SLC35A5: variants seen among roughly 807,000 people sequenced by gnomAD.
SLC35A5 encodes solute carrier family 35 member A5.
SLC35A5 carries 28 observed loss-of-function variants against 36.3 expected under a neutral mutation model. That is an observed-to-expected ratio of 0.77 (90% CI 0.57 to 1.06). SLC35A5 has a LOEUF of 1.06. Among genes scored for constraint, SLC35A5 ranks in the 50% least tolerant of loss-of-function variants. The probability of loss-of-function intolerance (pLI) is 0.00; values close to 1 mark genes in which losing one functional copy is unlikely to be tolerated. For missense variants in SLC35A5, 521 were observed against 499.3 expected (o/e 1.04, Z -0.41); for synonymous variants, 180 against 173.7 (o/e 1.04, Z -0.29).
intron 5 of SLC35A5, among the ~76,000 whole-genome samples, chr3:112,577,274 CAT>C (rs1934716929): frequency 6.6e-6 from 1 of 152,106 alleles, no homozygotes. Context: ...AAGGCATTCT[CAT>C]AAAAGACAAT....
At position 112,583,913 on chromosome 3, in the gene SLC35A5, C is replaced by G. The variant is rs975812121; in HGVS notation, c.*1177C>G. ...AAGTGACTTGCTCAGGGTCATGCAG[C>G]TGGGTGATGATAGAAGAGTGGGCTT... On this transcript the variant is annotated 3_prime_UTR_variant, in exon 7 of 7. Coordinates refer to ENST00000492406, the MANE Select transcript of SLC35A5 (RefSeq NM_017945.5). 1 of 152,056 alleles carries G rather than the reference C, an allele frequency of 6.6e-6. No homozygotes were observed. The highest frequency in any genetic ancestry group is 6.6e-5 in the Admixed American group (1 of 15,258). The allele number at this position is 152,056 out of a possible 1,614,324, so 9.4% of individuals were successfully genotyped here.
intron 2 of SLC35A5, among the ~76,000 whole-genome samples, chr3:112,564,782 A>T (rs112109218): frequency 6.6e-6 from 1 of 152,134 alleles, no homozygotes; most frequent in East Asian, 1.9e-4. Context: ...CGTACTTGAG[A>T]TTAGGGAGTG....
chr3:112,579,225 C>T (rs566510223), intron 5 of SLC35A5, among the ~76,000 whole-genome samples: 1 of 152,188 alleles, frequency 6.6e-6, no homozygotes, highest in South Asian at 2.1e-4. Context: ...TGGATCCGAT[C>T]CCTTCTTTAG....
In SLC35A5 at chr3:112,583,301, T is replaced by C. The variant is rs549968465; in HGVS notation, c.*565T>C. 5.3e-5 allele frequency: 21 copies of C among 394,992 alleles called. 2 individuals carry two copies. The South Asian group carries it at 2.9e-3, about 54-fold the overall frequency. The allele number at this position is 394,992 out of a possible 1,614,324, so 24.5% of individuals were successfully genotyped here. On this transcript the variant is annotated 3_prime_UTR_variant, in exon 7 of 7. Coordinates refer to ENST00000492406, the MANE Select transcript of SLC35A5 (RefSeq NM_017945.5). ...ATGATGTAGTCTGTGCTAAATATTT[T>C]GCTGAAGAAGCAGTTTCTCAGACAC...
intron 4 of SLC35A5, among the ~76,000 whole-genome samples, chr3:112,571,092 G>A (rs1934415066): frequency 6.6e-6 from 1 of 152,140 alleles, no homozygotes; most frequent in South Asian, 2.1e-4. Context: ...TTTTAATGTA[G>A]TTTATATGAA....
At chr3:112,571,304 C>A (rs539840337) in intron 4 of SLC35A5, among the ~76,000 whole-genome samples, 1 of 152,322 alleles carries the variant, frequency 6.6e-6, no homozygotes, top group Admixed American at 6.5e-5. Context: ...TCTGCTTTCA[C>A]TTATTACTCA....
intron 4 of SLC35A5, among the ~76,000 whole-genome samples, chr3:112,571,499 C>T (rs1934435285): frequency 6.6e-6 from 1 of 152,140 alleles, no homozygotes; most frequent in African/African-American, 2.4e-5. Context: ...ATAAGCAAAT[C>T]AGAGTGGGAT....
intron 2 of SLC35A5, among the ~76,000 whole-genome samples, chr3:112,567,665 G>C (rs1004801131): frequency 4.6e-5 from 7 of 152,216 alleles, no homozygotes; most frequent in Non-Finnish European, 1.0e-4. Context: ...CCTTCCTCTG[G>C]GGCTGAAGGG....
At position 112,580,892 on chromosome 3, in the gene SLC35A5, C is replaced by A. The variant is rs779202217; in HGVS notation, c.775C>A (p.Gln259Lys). Residue 259 changes from glutamine (Q) to lysine (K), a missense_variant, in exon 6 of 7, where the codon CAG becomes AAG. Gln to Lys is a moderately conservative substitution (Grantham distance 53). Coordinates refer to ENST00000492406, the MANE Select transcript of SLC35A5 (RefSeq NM_017945.5). ...TGAAAAGATACTGAAGGAAGGGAACCAGCTCACTGAAAGCATCTTCATACA... is the reference window on the plus strand; with the variant it reads ...TGAAAAGATACTGAAGGAAGGGAACAAGCTCACTGAAAGCATCTTCATACA... ...YNEKILKEGNQLTESIFIQNS... is the reference protein window; with the variant it reads ...YNEKILKEGNKLTESIFIQNS... The A allele has an allele frequency of 6.2e-7, 1 of 1,614,092 alleles. No homozygotes were observed. Among genetic ancestry groups the A allele is most frequent in the Admixed American group, 1.7e-5 (1 of 60,000 alleles).
intron 5 of SLC35A5, among the ~76,000 whole-genome samples, chr3:112,577,329 T>A (rs1934718498): frequency 1.3e-5 from 2 of 152,160 alleles, no homozygotes; most frequent in African/African-American, 4.8e-5. Flanking sequence ...TCAAACTTTA[T>A]GTGAATGTAT....
In SLC35A5 at chr3:112,569,264, A is replaced by G. The variant is rs1342880795; in HGVS notation, c.224A>G (p.Lys75Arg). The stretch of plus-strand genomic sequence containing the variant: ...GTGCTTGTGTCATTCTGTGTTATAA[A>G]GAAAGGTAAGTCTTGAAATGGTACT... ...FCVLVSFCVI[K>R]KDHQSRNLKY... Residue 75 changes from lysine to arginine, a missense_variant, in exon 3 of 7, where the codon AAG becomes AGG. By Grantham distance (26) the Lys-to-Arg change is conservative. Coordinates refer to ENST00000492406, the MANE Select transcript of SLC35A5 (RefSeq NM_017945.5). The G allele has an allele frequency of 4.3e-6, 7 of 1,613,454 alleles. No individual in the cohort carries two copies. Among genetic ancestry groups the G allele is most frequent in the Non-Finnish European group, 5.9e-6 (7 of 1,179,524 alleles).
At position 112,585,579 on chromosome 3, in the gene SLC35A5, A is replaced by T. The variant is rs1175850814; in HGVS notation, c.*2843A>T. ...GAAATAAAAGTTGTTTTTTTTTTTA[A>T]GATGCGAAGTTCTGATATGTATCCA... On this transcript the variant is annotated 3_prime_UTR_variant, in exon 7 of 7. Coordinates refer to ENST00000492406, the MANE Select transcript of SLC35A5 (RefSeq NM_017945.5). 1 of 150,888 alleles carries T rather than the reference A, an allele frequency of 6.6e-6. No homozygotes were observed. Among genetic ancestry groups the T allele is most frequent in the Admixed American group, 6.6e-5 (1 of 15,142 alleles). 9.3% of individuals were successfully genotyped at this position (150,888 alleles called of 1,614,324 possible).
chr3:112,561,594 G>T, upstream of SLC35A5: 1 of 1,519,326 alleles, frequency 6.6e-7, no homozygotes, highest in Admixed American at 1.8e-5. Context: ...AGGGGCCAGG[G>T]AGTCAGAAAA....
Position 112,583,444 on chromosome 3 carries a change from A to G in SLC35A5, c.*708A>G. 3.8e-6 allele frequency: 1 copy of G among 262,622 alleles called. No homozygotes were observed. 16.3% of individuals were successfully genotyped at this position (262,622 alleles called of 1,614,324 possible). ...ATAGTTACCACTTGTATTTTAAGTC[A>G]TTTAAACAAGCCACGGTGGGGCTTT... On this transcript the variant is annotated 3_prime_UTR_variant, in exon 7 of 7. Transcript: ENST00000492406.
In SLC35A5 at chr3:112,575,527, A is replaced by G. The variant is rs189256688; in HGVS notation, c.428+1571A>G. 2.8e-4 allele frequency among the ~76,000 whole-genome samples: 42 copies of G among 152,156 alleles called. No homozygotes were observed. The East Asian group carries it at 7.3e-3, about 27-fold the overall frequency. ...TACATTTTAAATATTTGCTTTTAAT[A>G]CTAGTTATAATATTGATTGCATTTT... On this transcript the variant is annotated intron_variant, in intron 5 of 6. Transcript: ENST00000492406.
chr3:112,573,726 A>G (rs1309821131), intron 4 of SLC35A5, among the ~76,000 whole-genome samples, 163 bp from the exon 5 acceptor site: 1 of 152,262 alleles, frequency 6.6e-6, no homozygotes, highest in Non-Finnish European at 1.5e-5. Context: ...TAAATTTGAC[A>G]AGCGACAAAA....
At chr3:112,566,893 T>A (rs538112024) in intron 2 of SLC35A5, among the ~76,000 whole-genome samples, 29 of 152,256 alleles carry the variant, frequency 1.9e-4, no homozygotes, top group African/African-American at 6.7e-4. Context: ...TTGAGCATGT[T>A]TGTAGGCCAA....
At chr3:112,567,225 C>CA (rs1349648850) in intron 2 of SLC35A5, among the ~76,000 whole-genome samples, 4 of 149,962 alleles carry the variant, frequency 2.7e-5, no homozygotes, top group Admixed American at 6.7e-5. Flanking sequence ...GACTCTGTCT[C>CA]AAAAAACAAA....
chr3:112,565,427 C>T (rs1213556348), intron 2 of SLC35A5, among the ~76,000 whole-genome samples: 2 of 152,108 alleles, frequency 1.3e-5, no homozygotes, highest in African/African-American at 4.8e-5. Context: ...GGAACAGAGG[C>T]ATAAAAAAGC....
Sources: gnomAD v4.1 joint callset for allele counts (sites outside exome capture counted in the v4.1 genomes callset) on GRCh38, gnomAD v4.1.1 for gene constraint, MANE v1.5 for transcripts, NCBI Gene and HGNC (gene_info 2026-07-23, HGNC 2026-07-21) for gene names.